Variants in RGL1 observed in about 807,000 individuals in gnomAD.
RGL1 encodes ral guanine nucleotide dissociation stimulator-like 1.
Under a neutral mutation model 95.2 loss-of-function variants are expected in RGL1, and 24 were observed. That is an observed-to-expected ratio of 0.25 (90% CI 0.18 to 0.35). The LOEUF (loss-of-function observed/expected upper bound fraction) is 0.35. Ranked by LOEUF, RGL1 falls within the 10% of genes least tolerant of loss-of-function variation. The pLI is 1.00. For synonymous variants in RGL1, 329 were observed against 344.9 expected (o/e 0.95, Z 0.51); for missense variants, 715 against 936.3 (o/e 0.76, Z 3.08).
chr1:183,650,867 A>G (rs1239061139), intron 1 of RGL1, among the ~76,000 whole-genome samples: 1 of 152,034 alleles, frequency 6.6e-6, no homozygotes, highest in African/African-American at 2.4e-5. Context: ...TGTTGCTATA[A>G]TGTGTGCCTT....
chr1:183,836,146 A>G (rs1310220421), intron 2 of RGL1, among the ~76,000 whole-genome samples: 1 of 152,234 alleles, frequency 6.6e-6, no homozygotes, highest in Non-Finnish European at 1.5e-5. Context: ...AATACAAGTT[A>G]GCCTTCTTTC....
intron 2 of RGL1, among the ~76,000 whole-genome samples, 189 bp from the exon 3 acceptor site, chr1:183,847,377 C>T (rs1664511846): frequency 6.6e-6 from 1 of 152,128 alleles, no homozygotes; most frequent in South Asian, 2.1e-4. Flanking sequence ...ATCACTCGAG[C>T]CCAGGAGCTC....
At chr1:183,751,677 G>C (rs1450165872) in intron 2 of RGL1, among the ~76,000 whole-genome samples, 1 of 152,192 alleles carries the variant, frequency 6.6e-6, no homozygotes, top group East Asian at 1.9e-4. Flanking sequence ...GGCCCTGGTG[G>C]TGTAGGCACC....
chr1:183,924,665 C>G (rs1669509018), intron 17 of RGL1, among the ~76,000 whole-genome samples: 1 of 152,058 alleles, frequency 6.6e-6, no homozygotes, highest in Non-Finnish European at 1.5e-5. Flanking sequence ...AAAAGTGAGG[C>G]TGGGCATGGT....
intron 10 of RGL1, among the ~76,000 whole-genome samples, chr1:183,899,578 G>A (rs4509543): frequency 0.28 from 42,103 of 152,086 alleles, 6,074 homozygotes; most frequent in East Asian, 0.49. Flanking sequence ...GTGACATCTG[G>A]TGTCATGTTG....
At position 183,724,279 on chromosome 1, in the gene RGL1, G is replaced by A. The variant is rs998806574; in HGVS notation, c.-32-17847G>A. The stretch of plus-strand genomic sequence containing the variant: ...GAGAGACTGTTTCTGCTTGAGAAAA[G>A]CAGAGGGAAGAGTAAAGGAGACTTC... On this transcript the variant is annotated intron_variant, in intron 1 of 18. Coordinates refer to the RGL1 transcript ENST00000304685. The surrounding 1 kb of genome is among the most constrained non-coding windows in gnomAD (Gnocchi z 4.1). 1.3e-5 allele frequency among the ~76,000 whole-genome samples: 2 copies of A among 152,140 alleles called. No individual in the cohort carries two copies. The highest frequency in any genetic ancestry group is 2.4e-5 in the African/African-American group (1 of 41,418).
chr1:183,719,011 T>G (rs1042704467), intron 1 of RGL1, among the ~76,000 whole-genome samples: 4 of 152,224 alleles, frequency 2.6e-5, no homozygotes, highest in African/African-American at 9.6e-5. Context: ...GCATGTCAAG[T>G]GCTAATCTCA....
chr1:183,886,044 C>G (rs1667090990), intron 7 of RGL1, among the ~76,000 whole-genome samples: 1 of 151,798 alleles, frequency 6.6e-6, no homozygotes, highest in Admixed American at 6.6e-5. Flanking sequence ...GTGTTCTGGG[C>G]TCTATGGGTA....
chr1:183,650,429 G>C (rs977029347), intron 1 of RGL1, among the ~76,000 whole-genome samples: 1 of 152,080 alleles, frequency 6.6e-6, no homozygotes, highest in Non-Finnish European at 1.5e-5. Context: ...TGTAGTCCCA[G>C]TTACTCGGGA....
intron 2 of RGL1, among the ~76,000 whole-genome samples, chr1:183,821,040 T>G (rs530357504): frequency 2.3e-4 from 35 of 152,092 alleles, no homozygotes; most frequent in African/African-American, 7.7e-4. Flanking sequence ...GGCTGAGGCA[T>G]GAGAATTGCT....
chr1:183,884,036 G>A (rs1290921867), intron 6 of RGL1, 126 bp downstream of exon 6: 20 of 964,832 alleles, frequency 2.1e-5, no homozygotes, highest in African/African-American at 3.2e-5. Context: ...GAGACAGGCT[G>A]CGCCTGCAGA....
At chr1:183,715,274 T>A (rs1009204044) in intron 1 of RGL1, among the ~76,000 whole-genome samples, 1 of 152,186 alleles carries the variant, frequency 6.6e-6, no homozygotes, top group African/African-American at 2.4e-5. Flanking sequence ...TTGTTTTTTT[T>A]AGTGATGTTT....
At chr1:183,762,560 G>GA (rs1473933357) in intron 2 of RGL1, among the ~76,000 whole-genome samples, 7 of 152,172 alleles carry the variant, frequency 4.6e-5, no homozygotes, top group Non-Finnish European at 1.0e-4. Context: ...ACATACTGTT[G>GA]AAAAAATGGC....
chr1:183,761,579 C>G (rs1658667642), intron 2 of RGL1, among the ~76,000 whole-genome samples: 1 of 152,104 alleles, frequency 6.6e-6, no homozygotes, highest in Non-Finnish European at 1.5e-5. Flanking sequence ...TAGCATAATT[C>G]CTAAGGGCTC....
chr1:183,870,514 C>T (rs111619533), intron 4 of RGL1, among the ~76,000 whole-genome samples: 15,685 of 147,530 alleles, frequency 0.11, 1,197 homozygotes, highest in Middle Eastern at 0.24. Flanking sequence ...TCTTCTGGCC[C>T]GCTGTCTTCC....
chr1:183,925,561 T>A (rs1181328833), intron 17 of RGL1, among the ~76,000 whole-genome samples: 2 of 152,182 alleles, frequency 1.3e-5, no homozygotes, highest in East Asian at 3.8e-4. Context: ...TAAAAAAATA[T>A]ACATACTTTC....
chr1:183,732,562 A>G (rs1351932215), intron 1 of RGL1, among the ~76,000 whole-genome samples: 3 of 152,184 alleles, frequency 2.0e-5, no homozygotes, highest in African/African-American at 7.2e-5. Context: ...GCCAGATAAA[A>G]TGGGCCAATT....
chr1:183,745,407 C>T (rs1292913747), intron 2 of RGL1, among the ~76,000 whole-genome samples: 1 of 151,826 alleles, frequency 6.6e-6, no homozygotes. Context: ...TATTTCTGAC[C>T]TCATGATGAT....
At chr1:183,902,429 A>C (rs1668082135) in intron 11 of RGL1, 139 bp from the exon 12 acceptor site, 1 of 569,890 alleles carries the variant, frequency 1.8e-6, no homozygotes. Flanking sequence ...CTCTTCTTCC[A>C]CAGTAGTCGT....
Sources: gnomAD v4.1 joint callset for allele counts (sites outside exome capture counted in the v4.1 genomes callset) on GRCh38, gnomAD v4.1.1 for gene constraint, Gnocchi (gnomAD v3.1) non-coding constraint, MANE v1.5 for transcripts, NCBI Gene and HGNC (gene_info 2026-07-23, HGNC 2026-07-21) for gene names.